IFI44: variants seen among roughly 807,000 people sequenced by gnomAD.
The protein encoded by IFI44 is interferon-induced protein 44.
A neutral mutation model predicts 45.0 loss-of-function variants in IFI44; 42 were observed. That is an observed-to-expected ratio of 0.93 (90% CI 0.73 to 1.21). The LOEUF is 1.21. IFI44 is among the 50% of genes most tolerant of loss of function. IFI44 has a pLI of 0.00. For missense variants in IFI44, 623 were observed against 525.8 expected (o/e 1.18, Z -1.81); for synonymous variants, 221 against 188.6 (o/e 1.17, Z -1.41).
chr1:78,657,619 T>C (rs116071362), intron 5 of IFI44, among the ~76,000 whole-genome samples: 1 of 152,280 alleles, frequency 6.6e-6, no homozygotes, highest in African/African-American at 2.4e-5. Flanking sequence ...CCATTTCACA[T>C]ATGAAAGGAA....
rs1647200907 is a variant in IFI44 at position 78,655,917 on chromosome 1, C to CTAGTCCTCAATGTGATG, written c.840+407_840+423dup. On this transcript the variant is annotated intron_variant, in intron 5 of 8. Transcript: ENST00000370747. The stretch of plus-strand genomic sequence containing the variant: ...CCCCCAAATTTATATGTTGAAGTCC[C>CTAGTCCTCAATGTGATG]TAGTCCTCAATGTGATGGTATTTGG... Among the ~76,000 whole-genome samples the CTAGTCCTCAATGTGATG allele has an allele frequency of 2.0e-5, 3 of 152,238 alleles. No homozygotes were observed. The South Asian group carries it at 6.2e-4, about 32-fold the overall frequency.
intron 8 of IFI44, 33 bp downstream of exon 8, chr1:78,662,911 C>T (rs371331448): frequency 3.2e-5 from 52 of 1,612,710 alleles, no homozygotes; most frequent in South Asian, 1.9e-4. Context: ...AGCTTGGAAG[C>T]GGTCAGGTAG....
At chr1:78,651,801 C>T (rs2100432037) in intron 2 of IFI44, among the ~76,000 whole-genome samples, 1 of 152,082 alleles carries the variant, frequency 6.6e-6, no homozygotes, top group South Asian at 2.1e-4. Flanking sequence ...AGTATTTGTC[C>T]TTTTGTGTCT....
rs920562738 is a variant in IFI44, at chr1:78,655,167, T to C, written c.648T>C (p.His216=). 11 of 1,613,876 alleles carry C rather than the reference T, an allele frequency of 6.8e-6. No individual in the cohort carries two copies. The highest frequency in any genetic ancestry group is 7.6e-6 in the Non-Finnish European group (9 of 1,179,880). ...CTGTTTTCCAAGGGCATGTAACGCA[T>C]CAGGCTTTGGTGGGCACTAATACAA... ...VRSVFQGHVT[H]QALVGTNTTG... Residue 216 remains histidine (H), a synonymous_variant, in exon 4 of 9, where the codon CAT becomes CAC. Transcript: ENST00000370747.
rs1289108352 is a variant in IFI44 at position 78,660,611 on chromosome 1, G to T, written c.1070G>T (p.Gly357Val). Residue 357 changes from glycine to valine, a missense_variant, in exon 7 of 9, where the codon GGT becomes GTT. Physicochemically the swap from Gly to Val is moderately radical, Grantham distance 109. Transcript: ENST00000370747. ...HVDSMDLITK[G>V]DLIEIERCEP... Reference sequence around the variant, plus strand: ...GATAGCATGGATTTGATTACAAAAGGTGACCTTATAGAAATAGAGAGATGT... The same window carrying T: ...GATAGCATGGATTTGATTACAAAAGTTGACCTTATAGAAATAGAGAGATGT... 1 of 1,613,692 alleles carries T rather than the reference G, an allele frequency of 6.2e-7. No individual in the cohort carries two copies. The highest frequency in any genetic ancestry group is 8.5e-7 in the Non-Finnish European group (1 of 1,179,710).
chr1:78,655,359 C>A lies in IFI44; in HGVS notation c.691-3C>A, dbSNP rs542777333. ...TTTAAAATTGCTTTTCTCCCCTCTA[C>A]AGTATAGGACATACTCTATTAGAGA... On this transcript the variant is annotated splice_region_variant and splice_polypyrimidine_tract_variant and intron_variant, in intron 4 of 8. Coordinates refer to ENST00000370747, the MANE Select transcript of IFI44 (RefSeq NM_006417.5). 1.9e-6 allele frequency: 3 copies of A among 1,597,012 alleles called. No individual in the cohort carries two copies. In the South Asian group the frequency reaches 3.4e-5, roughly 18 times the overall value.
intron 2 of IFI44, among the ~76,000 whole-genome samples, chr1:78,652,134 C>T (rs1014280049): frequency 2.0e-5 from 3 of 151,924 alleles, no homozygotes; most frequent in East Asian, 1.9e-4. Context: ...CAGGCTGGAG[C>T]GCAGTGGCAT....
chr1:78,658,694 C>T (rs1370687580), intron 5 of IFI44, among the ~76,000 whole-genome samples: 1 of 152,046 alleles, frequency 6.6e-6, no homozygotes, highest in African/African-American at 2.4e-5. Flanking sequence ...TTTTACTTGC[C>T]TTTTAAAATA....
chr1:78,655,046 C>T lies in IFI44; in HGVS notation c.527C>T (p.Thr176Ile). ...AAGAGCTTACTGTCTGCCTTGAGAA[C>T]TTATGAACCATATGGATCCCTGGTT... ...LRKSLLSALR[T>I]YEPYGSLVQQ... The change falls in exon 4 of 9, where the codon ACT (threonine) becomes ATT (isoleucine). Residue 176 changes from threonine to isoleucine, a missense_variant. Physicochemically the swap from Thr to Ile is moderately conservative, Grantham distance 89. Coordinates refer to ENST00000370747, the MANE Select transcript of IFI44 (RefSeq NM_006417.5). The T allele has an allele frequency of 6.2e-7, 1 of 1,613,776 alleles. No individual in the cohort carries two copies. The highest frequency in any genetic ancestry group is 8.5e-7 in the Non-Finnish European group (1 of 1,179,776).
intron 2 of IFI44, among the ~76,000 whole-genome samples, chr1:78,653,531 A>G (rs1647156641): frequency 6.6e-6 from 1 of 152,164 alleles, no homozygotes; most frequent in Non-Finnish European, 1.5e-5. Flanking sequence ...TTTGTAGTTG[A>G]GAGAATTGGT....
Position 78,659,330 on chromosome 1 carries a change from A to G in IFI44, c.859A>G (p.Ile287Val), listed in dbSNP as rs1473125736. ...DRYQFNPMES[I>V]KLNHHDYIDS... ...CTTACAGTTTAATCCCATGGAATCA[A>G]TCAAATTAAATCATCATGACTACAT... Residue 287 changes from isoleucine (I) to valine (V), a missense_variant, in exon 6 of 9, where the codon ATC becomes GTC. Coordinates refer to ENST00000370747, the MANE Select transcript of IFI44 (RefSeq NM_006417.5). The G allele has an allele frequency of 6.2e-7, 1 of 1,612,566 alleles. No homozygotes were observed. Among genetic ancestry groups the G allele is most frequent in the African/African-American group, 1.3e-5 (1 of 74,904 alleles).
rs1481387865 is a variant in IFI44 at position 78,663,888 on chromosome 1, A to G, written c.*77A>G. ...AGAAAGGAGAAAACACAGACCAAAGAGAAGTATCTAAGACCAAAGGGATGT... is the reference window on the plus strand; with the variant it reads ...AGAAAGGAGAAAACACAGACCAAAGGGAAGTATCTAAGACCAAAGGGATGT... On this transcript the variant is annotated 3_prime_UTR_variant, in exon 9 of 9. Transcript: ENST00000370747. The G allele has an allele frequency of 9.9e-6, 14 of 1,413,636 alleles. No homozygotes were observed. Among genetic ancestry groups the G allele is most frequent in the African/African-American group, 2.9e-5 (2 of 69,908 alleles). The allele number at this position is 1,413,636 out of a possible 1,614,324, so 87.6% of individuals were successfully genotyped here.
At chr1:78,657,512 T>C (rs1647245105) in intron 5 of IFI44, among the ~76,000 whole-genome samples, 1 of 152,144 alleles carries the variant, frequency 6.6e-6, no homozygotes, top group East Asian at 1.9e-4. Flanking sequence ...TATGGGGATT[T>C]ATCCCTTTTC....
Position 78,659,451 on chromosome 1 carries a change from T to C in IFI44, c.980T>C (p.Ile327Thr). The C allele has an allele frequency of 6.2e-7, 1 of 1,613,114 alleles. No individual in the cohort carries two copies. The highest frequency in any genetic ancestry group is 1.1e-5 in the South Asian group (1 of 91,048). The change falls in exon 6 of 9, where the codon ATC (isoleucine) becomes ACC (threonine). Residue 327 changes from isoleucine to threonine, a missense_variant. Physicochemically the swap from Ile to Thr is moderately conservative, Grantham distance 89 (BLOSUM62 -1). Coordinates refer to ENST00000370747, the MANE Select transcript of IFI44 (RefSeq NM_006417.5). The part of the protein sequence containing the change: ...QYFSSQMIVK[I>T]KRIRRELVNA... ...TTCTCCTCTCAGATGATAGTAAAGATCAAAAGAATTCGAAGGGAGTTGGTA... is the reference window on the plus strand; with the variant it reads ...TTCTCCTCTCAGATGATAGTAAAGACCAAAAGAATTCGAAGGGAGTTGGTA...
Position 78,659,388 on chromosome 1 carries a change from G to T in IFI44, c.917G>T (p.Cys306Phe). 6.2e-7 allele frequency: 1 copy of T among 1,612,636 alleles called. No individual in the cohort carries two copies. The highest frequency in any genetic ancestry group is 8.5e-7 in the Non-Finnish European group (1 of 1,178,754). Residue 306 changes from cysteine to phenylalanine, a missense_variant, in exon 6 of 9, where the codon TGT becomes TTT. Coordinates refer to ENST00000370747, the MANE Select transcript of IFI44 (RefSeq NM_006417.5). ...CCATCGCTGAAGGACAGAATTCATT[G>T]TGTGGCATTTGTATTTGATGCCAGC... The part of the protein sequence containing the change: ...DSPSLKDRIH[C>F]VAFVFDASSI...
At chr1:78,650,013 AAC>A in intron 1 of IFI44, 108 bp downstream of exon 1, 1 of 462,314 alleles carries the variant, frequency 2.2e-6, no homozygotes, top group Non-Finnish European at 3.8e-6. Flanking sequence ...TAATTTAAAA[AAC>A]AATAATTTAT....
intron 5 of IFI44, among the ~76,000 whole-genome samples, chr1:78,655,905 A>G (rs1204217562): frequency 6.6e-6 from 1 of 152,110 alleles, no homozygotes; most frequent in Non-Finnish European, 1.5e-5. Flanking sequence ...CCAAATTTAT[A>G]TGTTGAAGTC....
Position 78,662,737 on chromosome 1 carries a change from C to G in IFI44, c.1147C>G (p.Leu383Val). Reference sequence around the variant, plus strand: ...AGTCCAAAGAAAACTTGGATTTGCTCTTTCTGACATCTCGGTGGTTAGCAA... The same window carrying G: ...AGTCCAAAGAAAACTTGGATTTGCTGTTTCTGACATCTCGGTGGTTAGCAA... Reference protein sequence around the residue: ...EEVQRKLGFALSDISVVSNYS... With the variant: ...EEVQRKLGFAVSDISVVSNYS... The change falls in exon 8 of 9, where the codon CTT (leucine) becomes GTT (valine). Residue 383 changes from leucine (L) to valine (V), a missense_variant. Transcript: ENST00000370747. The G allele has an allele frequency of 2.5e-6, 4 of 1,613,600 alleles. No individual in the cohort carries two copies. Among genetic ancestry groups the G allele is most frequent in the Non-Finnish European group, 2.5e-6 (3 of 1,179,826 alleles).
At chr1:78,651,849 A>C (rs1024432212) in intron 2 of IFI44, among the ~76,000 whole-genome samples, 8 of 152,088 alleles carry the variant, frequency 5.3e-5, no homozygotes, top group Non-Finnish European at 8.8e-5. Context: ...ATATTGCTGT[A>C]TTAGTAATTT....
Sources: gnomAD v4.1 joint callset for allele counts (sites outside exome capture counted in the v4.1 genomes callset) on GRCh38, gnomAD v4.1.1 for gene constraint, MANE v1.5 for transcripts, NCBI Gene and HGNC (gene_info 2026-07-23, HGNC 2026-07-21) for gene names.